The following POLR2G variants were observed in gnomAD, a reference collection of about 807,000 sequenced individuals.
The protein encoded by POLR2G is RNA polymerase II subunit G.
A neutral mutation model predicts 25.7 loss-of-function variants in POLR2G; 19 were observed. The observed-to-expected ratio is 0.74, with a 90% CI of 0.52 to 1.08. The LOEUF (loss-of-function observed/expected upper bound fraction) is 1.08. POLR2G is among the 50% of genes least tolerant of loss of function. The probability of loss-of-function intolerance (pLI) is 0.00; values close to 1 mark genes in which losing one functional copy is unlikely to be tolerated. For synonymous variants in POLR2G, 79 were observed against 76.0 expected (o/e 1.04, Z -0.21); for missense variants, 123 against 218.5 (o/e 0.56, Z 2.76).
At chr11:62,765,137 G>T in intron 3 of POLR2G, 45 bp from the exon 4 acceptor site, 1 of 1,579,790 alleles carries the variant, frequency 6.3e-7, no homozygotes, top group African/African-American at 1.3e-5. Context: ...GATTACAGGC[G>T]TGAGCCACCG....
At chr11:62,765,569 G>A (rs899576097) in intron 5 of POLR2G, 84 bp from the exon 6 acceptor site, 13 of 1,117,350 alleles carry the variant, frequency 1.2e-5, no homozygotes, top group Non-Finnish European at 1.7e-5. Context: ...CATTCAATAT[G>A]CCCCCGGGCT....
At chr11:62,761,980 C>T (rs564817994) in intron 2 of POLR2G, 76 bp downstream of exon 2, 1 of 1,061,188 alleles carries the variant, frequency 9.4e-7, no homozygotes, top group East Asian at 2.4e-5. Flanking sequence ...CCCTCCCCAA[C>T]TCCTACTCGT....
chr11:62,761,770 G>A (rs1249890967), intron 1 of POLR2G, 25 bp from the exon 2 acceptor site: 4 of 1,610,858 alleles, frequency 2.5e-6, no homozygotes, highest in Non-Finnish European at 1.7e-6. Context: ...GCCTGGCCTG[G>A]TCGCCATCCC....
intron 3 of POLR2G, 23 bp downstream of exon 3, chr11:62,763,049 C>G (rs2084096502): frequency 6.5e-7 from 1 of 1,534,074 alleles, no homozygotes; most frequent in Non-Finnish European, 8.9e-7. Flanking sequence ...ATAGGGGAGG[C>G]AGTGGGGTAG....
chr11:62,761,988 C>T, intron 2 of POLR2G, 84 bp downstream of exon 2: 3 of 996,364 alleles, frequency 3.0e-6, no homozygotes, highest in Non-Finnish European at 4.6e-6. Flanking sequence ...AACTCCTACT[C>T]GTCCTGCCAC....
At chr11:62,762,615 G>C (rs1222748446) in intron 2 of POLR2G, 11 of 591,516 alleles carry the variant, frequency 1.9e-5, no homozygotes, top group South Asian at 1.7e-4. Context: ...CGAAGATTGA[G>C]ATCTGTTGCC....
At chr11:62,761,722 G>A (rs931050610) in intron 1 of POLR2G, 62 bp downstream of exon 1, 3 of 1,607,934 alleles carry the variant, frequency 1.9e-6, no homozygotes, top group Non-Finnish European at 2.6e-6. Flanking sequence ...GCCAGGCGCC[G>A]GCGCGAGACT....
chr11:62,763,391 T>C (rs2084098945), intron 3 of POLR2G, among the ~76,000 whole-genome samples: 1 of 150,884 alleles, frequency 6.6e-6, no homozygotes, highest in African/African-American at 2.4e-5. Flanking sequence ...GCCTCCCGGG[T>C]TCACACCATT....
In POLR2G at chr11:62,765,332, C is replaced by T. The variant is rs763603977; in HGVS notation, c.334-8C>T. ...AAAGTGCTAACCTAGATCTCACTTTCCTTTCAGTCCATCCCTTCAGAGATG... is the reference window on the plus strand; with the variant it reads ...AAAGTGCTAACCTAGATCTCACTTTTCTTTCAGTCCATCCCTTCAGAGATG... On this transcript the variant is annotated splice_region_variant and splice_polypyrimidine_tract_variant and intron_variant, in intron 4 of 7. Transcript: ENST00000301788. 3.7e-6 allele frequency: 6 copies of T among 1,612,202 alleles called. No individual in the cohort carries two copies. Among genetic ancestry groups the T allele is most frequent in the South Asian group, 1.1e-5 (1 of 91,036 alleles).
rs35111699 is a variant in POLR2G at position 62,765,510 on chromosome 11, TG to T, written c.399+107del. On this transcript the variant is annotated intron_variant, in intron 5 of 7. Coordinates refer to ENST00000301788, the MANE Select transcript of POLR2G (RefSeq NM_002696.3). ...AGTACAGATGGTCCCCGAATTACCA[TG>T]GCTTGATTCATGATTTTATGACTTT... 6,347 of 1,120,866 alleles carry T rather than the reference TG, an allele frequency of 5.7e-3. 239 individuals are homozygous for T. The African/African-American group carries it at 0.084, about 15-fold the overall frequency. The allele number at this position is 1,120,866 out of a possible 1,614,324, so 69.4% of individuals were successfully genotyped here. A position where few individuals can be genotyped will look rare whatever the true frequency, so the allele number is the denominator to read the frequency against.
chr11:62,761,663 G>A lies in POLR2G; in HGVS notation c.12+3G>A. ...GGTCTGGGAAGATGTTCTACCATGT[G>A]AGCAGGGCTCAGGGTGGCGGCAAGG... On this transcript the variant is annotated splice_donor_region_variant and intron_variant, in intron 1 of 7. Transcript: ENST00000301788. 1 of 1,612,478 alleles carries A rather than the reference G, an allele frequency of 6.2e-7. No individual in the cohort carries two copies. Among genetic ancestry groups the A allele is most frequent in the Non-Finnish European group, 8.5e-7 (1 of 1,178,902 alleles).
chr11:62,762,249 T>G (rs1227642703), intron 2 of POLR2G: 1 of 298,038 alleles, frequency 3.4e-6, no homozygotes, highest in Non-Finnish European at 6.6e-6. Context: ...TCATTGTTCC[T>G]GTGTCTGCTC....
chr11:62,761,630 G>C lies in POLR2G; in HGVS notation c.-19G>C. 1 of 1,607,390 alleles carries C rather than the reference G, an allele frequency of 6.2e-7. No homozygotes were observed. Among genetic ancestry groups the C allele is most frequent in the Non-Finnish European group, 8.5e-7 (1 of 1,176,228 alleles). The stretch of plus-strand genomic sequence containing the variant: ...ACTGTCGGAGGTGTGGACTCTGCCT[G>C]CCTACCTGGTCTGGGAAGATGTTCT... On this transcript the variant is annotated 5_prime_UTR_variant, in exon 1 of 8. Transcript: ENST00000301788.
intron 5 of POLR2G, 124 bp downstream of exon 5, chr11:62,765,529 A>G: frequency 9.1e-7 from 1 of 1,103,730 alleles, no homozygotes; most frequent in Non-Finnish European, 1.4e-6. Flanking sequence ...TCATGATTTT[A>G]TGACTTTACG....
rs2084110403 is a variant in POLR2G at position 62,765,377 on chromosome 11, AC to A, written c.374del (p.Pro125HisfsTer12). 1 of 1,613,018 alleles carries A rather than the reference AC, an allele frequency of 6.2e-7. No individual in the cohort carries two copies. Among genetic ancestry groups the A allele is most frequent in the Admixed American group, 1.7e-5 (1 of 59,964 alleles). Reference sequence around the variant, plus strand: ...GAGATGGAGTTTGATCCTAACTCCAACCCACCATGTTACAAGACAATGGATG... The same window carrying A: ...GAGATGGAGTTTGATCCTAACTCCAACCACCATGTTACAAGACAATGGATG... The part of the protein sequence containing the change: ...PSEMEFDPNS[N>X]PPCYKTMDED... On this transcript the variant is annotated frameshift_variant, in exon 5 of 8. Transcript: ENST00000301788. LOFTEE classifies it high-confidence loss of function.
chr11:62,763,297 A>ATTT (rs775776919), intron 3 of POLR2G, among the ~76,000 whole-genome samples: 2 of 128,656 alleles, frequency 1.6e-5, no homozygotes. Context: ...ATGGCCGGCT[A>ATTT]TTTTTTTTTT....
intron 2 of POLR2G, chr11:62,762,587 G>A (rs1389714445): frequency 5.7e-6 from 3 of 529,182 alleles, no homozygotes; most frequent in South Asian, 4.6e-5. Flanking sequence ...ATTTTAAGAA[G>A]ATGATTCTCA....
rs996321930 is a variant in POLR2G at position 62,766,677 on chromosome 11, A to G, written c.*170A>G. On this transcript the variant is annotated 3_prime_UTR_variant, in exon 8 of 8. Coordinates refer to ENST00000301788, the MANE Select transcript of POLR2G (RefSeq NM_002696.3). Reference sequence around the variant, plus strand: ...AACTACTGCCTCCTCATTTTTCAGTATGTGTTCTAAGTATAAAAAGTCCTT... The same window carrying G: ...AACTACTGCCTCCTCATTTTTCAGTGTGTGTTCTAAGTATAAAAAGTCCTT... The G allele has an allele frequency of 1.6e-6, 1 of 614,870 alleles. No individual in the cohort carries two copies. The highest frequency in any genetic ancestry group is 1.9e-5 in the African/African-American group (1 of 53,558). 38.1% of individuals were successfully genotyped at this position (614,870 alleles called of 1,614,324 possible).
At position 62,761,890 on chromosome 11, in the gene POLR2G, G is replaced by A. The variant is rs756756476; in HGVS notation, c.108G>A (p.Gly36=). The A allele has an allele frequency of 3.1e-6, 5 of 1,608,714 alleles. No individual in the cohort carries two copies. Among genetic ancestry groups the A allele is most frequent in the Admixed American group, 1.7e-5 (1 of 60,004 alleles). ...VKQKLFTEVE[G]TCTGKYGFVI... ...AGAAGCTCTTCACCGAGGTGGAGGGGACCTGCACAGGGAAGTGAGTGTCGA... is the reference window on the plus strand; with the variant it reads ...AGAAGCTCTTCACCGAGGTGGAGGGAACCTGCACAGGGAAGTGAGTGTCGA... The change falls in exon 2 of 8, where the codon GGG becomes GGA. Residue 36 remains glycine (G), a synonymous_variant. Coordinates refer to ENST00000301788, the MANE Select transcript of POLR2G (RefSeq NM_002696.3).
Sources: gnomAD v4.1 joint callset for allele counts (sites outside exome capture counted in the v4.1 genomes callset) on GRCh38, gnomAD v4.1.1 for gene constraint, MANE v1.5 for transcripts, NCBI Gene and HGNC (gene_info 2026-07-23, HGNC 2026-07-21) for gene names.